FAM83F: variants seen among roughly 807,000 people sequenced by gnomAD.
FAM83F encodes scaffolding CK1 anchoring protein F.
FAM83F carries 45 observed loss-of-function variants against 42.9 expected under a neutral mutation model. That is an observed-to-expected ratio of 1.05 (90% CI 0.83 to 1.35). The LOEUF is 1.35. Among genes scored for constraint, FAM83F ranks in the 40% most tolerant of loss-of-function variants. The pLI, the probability that FAM83F is intolerant of heterozygous loss-of-function variation, is 0.00. For synonymous variants in FAM83F, 306 were observed against 298.3 expected (o/e 1.03, Z -0.27); for missense variants, 617 against 695.9 (o/e 0.89, Z 1.28).
In FAM83F at chr22:40,020,004, T is replaced by C. The variant is rs2145719599; in HGVS notation, c.775T>C (p.Tyr259His). 1 of 1,612,200 alleles carries C rather than the reference T, an allele frequency of 6.2e-7. No individual in the cohort carries two copies. Among genetic ancestry groups the C allele is most frequent in the East Asian group, 2.2e-5 (1 of 44,784 alleles). ...VDGDKVATGS[Y>H]RFTWSSSHVD... Reference sequence around the variant, plus strand: ...CGGTGACAAAGTGGCCACTGGATCTTACAGGTGAGTTGGGCCGGATCAAAG... The same window carrying C: ...CGGTGACAAAGTGGCCACTGGATCTCACAGGTGAGTTGGGCCGGATCAAAG... Residue 259 changes from tyrosine (Y) to histidine (H), a missense_variant, in exon 3 of 5, where the codon TAC (tyrosine) becomes CAC (histidine). Physicochemically the swap from Tyr to His is moderately conservative, Grantham distance 83. Coordinates refer to ENST00000333407, the MANE Select transcript of FAM83F (RefSeq NM_138435.4).
Position 39,995,187 on chromosome 22 carries a change from CG to C in FAM83F, c.147del (p.Leu50SerfsTer83). 6.7e-7 allele frequency: 1 copy of C among 1,492,956 alleles called. No homozygotes were observed. The highest frequency in any genetic ancestry group is 8.8e-7 in the Non-Finnish European group (1 of 1,130,362). The allele number at this position is 1,492,956 out of a possible 1,614,324, so 92.5% of individuals were successfully genotyped here. On this transcript the variant is annotated frameshift_variant, in exon 1 of 5. Transcript: ENST00000333407. LOFTEE classifies it high-confidence loss of function. This position sits in a 1 kb window ranked among gnomAD's most constrained non-coding sequence, Gnocchi z 4.6. ...CGGCGGCGAGCAGGCCTACCGCGAG[CG>C]GCTCAAGGAGGAGCAGCTGCGGGAC... ...LGGGEQAYRERLKEEQLRDFL... is the reference protein window; with the variant it reads ...LGGGEQAYREXLKEEQLRDFL...
chr22:40,018,158 G>A (rs776032887), intron 1 of FAM83F, among the ~76,000 whole-genome samples: 13 of 152,196 alleles, frequency 8.5e-5, no homozygotes, highest in African/African-American at 3.1e-4. Context: ...TTTGAGGATG[G>A]CGTAGGATGG....
chr22:40,037,997 T>C lies in FAM83F; in HGVS notation c.*8432T>C, dbSNP rs1464504647. ...CCTCCCAAGTAGCTGGGCTTACAGA[T>C]GTGAGCCACTGCACCTGCTCAACAT... On this transcript the variant is annotated 3_prime_UTR_variant, in exon 5 of 5. Transcript: ENST00000333407. 2.6e-5 allele frequency: 4 copies of C among 152,320 alleles called. No homozygotes were observed. Among genetic ancestry groups the C allele is most frequent in the Non-Finnish European group, 5.9e-5 (4 of 68,106 alleles). The allele number at this position is 152,320 out of a possible 1,614,324, so 9.4% of individuals were successfully genotyped here.
chr22:40,015,516 C>T (rs1175051669), intron 1 of FAM83F, among the ~76,000 whole-genome samples: 4 of 152,164 alleles, frequency 2.6e-5, no homozygotes, highest in Non-Finnish European at 5.9e-5. Flanking sequence ...TGCTAGGCCA[C>T]GTGACACCTG....
intron 4 of FAM83F, among the ~76,000 whole-genome samples, chr22:40,028,871 C>G (rs1373686678): frequency 1.3e-5 from 2 of 152,252 alleles, no homozygotes; most frequent in Non-Finnish European, 2.9e-5. Flanking sequence ...TTCCTTCTTC[C>G]AGCCTAGGCG....
intron 1 of FAM83F, among the ~76,000 whole-genome samples, chr22:40,002,259 C>T (rs1202696506): frequency 6.6e-6 from 1 of 152,306 alleles, no homozygotes; most frequent in Middle Eastern, 3.4e-3. Context: ...AAAGACTCCC[C>T]AAGTTCTTTT....
In FAM83F at chr22:40,037,011, A is replaced by T. The variant is rs1353256965; in HGVS notation, c.*7446A>T. ...AGCAGGTGTGGCCATGTTCCAGTGA[A>T]ACCTTATGAATACTGAAATCTGAAT... On this transcript the variant is annotated 3_prime_UTR_variant, in exon 5 of 5. Transcript: ENST00000333407. 1 of 152,230 alleles carries T rather than the reference A, an allele frequency of 6.6e-6. No homozygotes were observed. The allele number at this position is 152,230 out of a possible 1,614,324, so 9.4% of individuals were successfully genotyped here.
intron 4 of FAM83F, among the ~76,000 whole-genome samples, chr22:40,027,098 T>C (rs2067557679): frequency 6.6e-6 from 1 of 152,044 alleles, no homozygotes; most frequent in Admixed American, 6.6e-5. Flanking sequence ...TTATGGAGCA[T>C]GTTACCCTGG....
chr22:40,021,468 C>G lies in FAM83F; in HGVS notation c.958C>G (p.Arg320Gly), dbSNP rs1404842052. 2 of 1,605,778 alleles carry G rather than the reference C, an allele frequency of 1.2e-6. No individual in the cohort carries two copies. The highest frequency in any genetic ancestry group is 1.7e-6 in the Non-Finnish European group (2 of 1,174,490). The part of the protein sequence containing the change: ...VGLHYSSTVA[R>G]KLINPKYALV... ...CCTCCATTACTCCTCCACTGTGGCTCGAAAGCTTATCAACCCCAAGTACGC... is the reference window on the plus strand; with the variant it reads ...CCTCCATTACTCCTCCACTGTGGCTGGAAAGCTTATCAACCCCAAGTACGC... Residue 320 changes from arginine (R) to glycine (G), a missense_variant, in exon 4 of 5, where the codon CGA becomes GGA. Physicochemically the swap from Arg to Gly is moderately radical, Grantham distance 125. Transcript: ENST00000333407. The surrounding 1 kb of genome is among the most constrained non-coding windows in gnomAD (Gnocchi z 8.7).
In FAM83F at chr22:40,021,610, C is replaced by T. The variant is rs369369585; in HGVS notation, c.1100C>T (p.Ser367Leu). The change falls in exon 4 of 5, where the codon TCG becomes TTG. Residue 367 changes from serine (S) to leucine (L), a missense_variant. Ser to Leu is a moderately radical substitution (Grantham distance 145). Transcript: ENST00000333407. The surrounding 1 kb of genome is among the most constrained non-coding windows in gnomAD (Gnocchi z 8.7). ...GAGGAGGGCGCCAGCGGTGGCGAGT[C>T]GGCCTGGCGCCTGGAGAGCTTCCTG... ...GQEEGASGGESAWRLESFLKD... is the reference protein window; with the variant it reads ...GQEEGASGGELAWRLESFLKD... The T allele has an allele frequency of 4.5e-5, 71 of 1,582,508 alleles. No individual in the cohort carries two copies. Among genetic ancestry groups the T allele is most frequent in the Non-Finnish European group, 5.6e-5 (65 of 1,159,390 alleles).
chr22:40,016,290 C>G (rs1317474802), intron 1 of FAM83F, among the ~76,000 whole-genome samples: 1 of 152,082 alleles, frequency 6.6e-6, no homozygotes, highest in Admixed American at 6.6e-5. Flanking sequence ...GCAGCCTCAA[C>G]CTCATAGGCT....
rs2067651625 is a variant in FAM83F, at chr22:40,041,833, T to A, written c.*12268T>A. 1 of 152,224 alleles carries A rather than the reference T, an allele frequency of 6.6e-6. No individual in the cohort carries two copies. 9.4% of individuals were successfully genotyped at this position (152,224 alleles called of 1,614,324 possible). ...CTATATTGTCTGAAATACAGAATAT[T>A]AAATATTGAGTTAATATTATATTTA... On this transcript the variant is annotated 3_prime_UTR_variant, in exon 5 of 5. Transcript: ENST00000333407.
At chr22:40,008,792 T>C (rs546938988) in intron 1 of FAM83F, among the ~76,000 whole-genome samples, 7 of 152,280 alleles carry the variant, frequency 4.6e-5, no homozygotes, top group African/African-American at 1.4e-4. Flanking sequence ...ACCTGCCCCA[T>C]AGACCTTGAT....
intron 1 of FAM83F, among the ~76,000 whole-genome samples, chr22:40,002,476 A>G (rs1362457195): frequency 6.6e-6 from 1 of 152,212 alleles, no homozygotes; most frequent in Non-Finnish European, 1.5e-5. Context: ...TTGGGGCCTC[A>G]GTAAACTTCA....
rs946925483 is a variant in FAM83F, at chr22:40,041,996, C to T, written c.*12431C>T. 6.6e-6 allele frequency: 1 copy of T among 152,012 alleles called. No individual in the cohort carries two copies. Among genetic ancestry groups the T allele is most frequent in the Non-Finnish European group, 1.5e-5 (1 of 68,034 alleles). 9.4% of individuals were successfully genotyped at this position (152,012 alleles called of 1,614,324 possible). ...ACCTCAGCATCCCAAGTAGCTGGGA[C>T]TGTAGGCGCAGGCCACCATGCGCAA... On this transcript the variant is annotated 3_prime_UTR_variant, in exon 5 of 5. Transcript: ENST00000333407.
intron 3 of FAM83F, among the ~76,000 whole-genome samples, chr22:40,020,489 AG>A (rs1213845667): frequency 6.7e-6 from 1 of 149,334 alleles, no homozygotes; most frequent in African/African-American, 2.5e-5. Context: ...CAGCCTCCCT[AG>A]TAGCCGGGAT....
rs753832066 is a variant in FAM83F, at chr22:39,995,034, C to T, written c.-9C>T. 2.4e-4 allele frequency: 303 copies of T among 1,270,396 alleles called. 2 individuals are homozygous for T. The Middle Eastern group carries it at 0.01, about 42-fold the overall frequency. The allele number at this position is 1,270,396 out of a possible 1,614,324, so 78.7% of individuals were successfully genotyped here. A position where few individuals can be genotyped will look rare whatever the true frequency, so the allele number is the denominator to read the frequency against. On this transcript the variant is annotated 5_prime_UTR_variant, in exon 1 of 5. Transcript: ENST00000333407. The surrounding 1 kb of genome is among the most constrained non-coding windows in gnomAD (Gnocchi z 4.6). ...CCGGGGCCAGGGCCGGGGCCGGGGC[C>T]GGGGCGCCATGGCCGAGTCCCAGCT...
At chr22:40,020,663 C>T (rs1432538805) in intron 3 of FAM83F, among the ~76,000 whole-genome samples, 1 of 152,068 alleles carries the variant, frequency 6.6e-6, no homozygotes, top group Non-Finnish European at 1.5e-5. Flanking sequence ...CCTCAGAATT[C>T]TGATTTTAAA....
chr22:40,005,725 C>G (rs2067423809), intron 1 of FAM83F, among the ~76,000 whole-genome samples: 1 of 152,194 alleles, frequency 6.6e-6, no homozygotes, highest in Non-Finnish European at 1.5e-5. Flanking sequence ...GAATCAGAGC[C>G]CCACACTGAG....
Sources: allele counts gnomAD v4.1 joint callset (sites outside exome capture counted in the v4.1 genomes callset), GRCh38; gene constraint gnomAD v4.1.1; non-coding constraint Gnocchi (gnomAD v3.1); transcripts MANE v1.5; gene names NCBI Gene and HGNC (gene_info 2026-07-23, HGNC 2026-07-21).